MYO7A: variants seen among roughly 807,000 people sequenced by gnomAD.
The protein encoded by MYO7A is unconventional myosin-VIIa.
MYO7A carries 210 observed loss-of-function variants against 263.8 expected under a neutral mutation model. The observed-to-expected ratio is 0.80, with a 90% CI of 0.71 to 0.89. The LOEUF (loss-of-function observed/expected upper bound fraction) is 0.89. MYO7A is among the 40% of genes least tolerant of loss of function. MYO7A has a pLI of 0.00. For missense variants in MYO7A, 2,820 were observed against 2,968.3 expected (o/e 0.95, Z 1.16); for synonymous variants, 1,239 against 1,197.3 (o/e 1.03, Z -0.72).
At chr11:77,169,704 C>T (rs1953904617) in intron 15 of MYO7A, among the ~76,000 whole-genome samples, 1 of 152,156 alleles carries the variant, frequency 6.6e-6, no homozygotes. Context: ...TGTCATGGGT[C>T]TTGGGGACGT....
intron 12 of MYO7A, among the ~76,000 whole-genome samples, chr11:77,161,790 C>T (rs1332645378): frequency 2.6e-5 from 4 of 152,236 alleles, no homozygotes; most frequent in Non-Finnish European, 5.9e-5. Context: ...TCTTTCTCTC[C>T]CAGGCATCTG....
At position 77,142,801 on chromosome 11, in the gene MYO7A, G is replaced by A. The variant is rs1461064082; in HGVS notation, c.111G>A (p.Gln37=). ...AGCTCTGCGACTCTGGGCAGGTCCA[G>A]GTGGTGGATGATGAAGACAATGTGA... ...VVKLCDSGQV[Q]VVDDEDNEHW... is the part of the protein sequence containing the mutation. Residue 37 remains glutamine (Q), a synonymous_variant, in exon 3 of 49, where the codon CAG becomes CAA. Coordinates refer to ENST00000409709, the MANE Select transcript of MYO7A (RefSeq NM_000260.4). 9 of 1,608,804 alleles carry A rather than the reference G, an allele frequency of 5.6e-6. No individual in the cohort carries two copies. The African/African-American group carries it at 9.4e-5, about 17-fold the overall frequency.
intron 12 of MYO7A, 130 bp from the exon 13 acceptor site, chr11:77,161,990 G>C: frequency 2.4e-6 from 2 of 838,928 alleles, no homozygotes; most frequent in Admixed American, 2.3e-5. Context: ...AATTCCCCTC[G>C]CCTCTGAGTT....
chr11:77,206,286 C>T (rs1357977563), intron 41 of MYO7A, 84 bp downstream of exon 41: 12 of 1,028,838 alleles, frequency 1.2e-5, no homozygotes, highest in Non-Finnish European at 1.7e-5. Flanking sequence ...CCTTAAGCCT[C>T]TCCCCCATCA....
chr11:77,175,552 G>T, intron 18 of MYO7A, 88 bp downstream of exon 18: 1 of 1,245,364 alleles, frequency 8.0e-7, no homozygotes. Context: ...GGGAGGCAGT[G>T]CTGGGGCTTT....
At chr11:77,180,564 G>C in intron 22 of MYO7A, 83 bp downstream of exon 22, 1 of 1,204,410 alleles carries the variant, frequency 8.3e-7, no homozygotes, top group Non-Finnish European at 1.2e-6. Context: ...TCTGTCACCC[G>C]GTGCTGCAGC....
In MYO7A at chr11:77,184,891, C is replaced by T; in HGVS notation, c.3503+176C>T. 4.5e-6 allele frequency: 5 copies of T among 1,121,716 alleles called. No homozygotes were observed. The South Asian group carries it at 6.6e-5, about 15-fold the overall frequency. The allele number at this position is 1,121,716 out of a possible 1,614,324, so 69.5% of individuals were successfully genotyped here. On this transcript the variant is annotated intron_variant, in intron 27 of 48. Coordinates refer to ENST00000409709, the MANE Select transcript of MYO7A (RefSeq NM_000260.4). ...TTTCATCTTTCTAAGCCTCTGATTC[C>T]TTGTCTGTAAAGGGGGAATCCTAAA...
intron 44 of MYO7A, 42 bp from the exon 45 acceptor site, chr11:77,211,110 G>A (rs774701575): frequency 1.1e-5 from 16 of 1,493,782 alleles, no homozygotes; most frequent in Non-Finnish European, 1.3e-5. Context: ...GCCCACTTCT[G>A]CCAGGTCCCT....
Position 77,184,732 on chromosome 11 carries a change from G to A in MYO7A, c.3503+17G>A, listed in dbSNP as rs369969967. The A allele has an allele frequency of 3.7e-4, 175 of 474,520 alleles. No individual in the cohort carries two copies. The highest frequency in any genetic ancestry group is 7.6e-4 in the Middle Eastern group (2 of 2,646). The allele number at this position is 474,520 out of a possible 1,614,324, so 29.4% of individuals were successfully genotyped here. A position where few individuals can be genotyped will look rare whatever the true frequency, so the allele number is the denominator to read the frequency against. On this transcript the variant is annotated intron_variant, in intron 27 of 48. Transcript: ENST00000409709. ...AGCACTCCGGTCAGTGCCGGGAGGC[G>A]GGGACACCAGGGCCTGAAAGTCTTT...
chr11:77,168,669 C>T (rs1482554432), intron 15 of MYO7A, among the ~76,000 whole-genome samples: 5 of 152,150 alleles, frequency 3.3e-5, no homozygotes, highest in Non-Finnish European at 5.9e-5. Context: ...GGGGTGAGCA[C>T]TTGTAGTCAC....
intron 3 of MYO7A, among the ~76,000 whole-genome samples, chr11:77,145,009 GC>G (rs1171863548): frequency 1.3e-5 from 2 of 152,118 alleles, no homozygotes; most frequent in African/African-American, 4.8e-5. Flanking sequence ...TTACACTTTG[GC>G]CCCCGGTAGG....
chr11:77,139,758 T>C (rs1341300974), intron 2 of MYO7A, among the ~76,000 whole-genome samples: 1 of 152,174 alleles, frequency 6.6e-6, no homozygotes, highest in African/African-American at 2.4e-5. Context: ...GTCCTCCAGA[T>C]GCTAATAGTC....
chr11:77,202,425 G>T lies in MYO7A; in HGVS notation c.5168+1G>T. On this transcript the variant is annotated splice_donor_variant, in intron 37 of 48. Transcript: ENST00000409709. LOFTEE classifies it high-confidence loss of function. ...AGGAGTTTTCCTATGACTACTTCAGGTGATGCCTCCTGGGGAAGGATGGGA... is the reference window on the plus strand; with the variant it reads ...AGGAGTTTTCCTATGACTACTTCAGTTGATGCCTCCTGGGGAAGGATGGGA... The T allele has an allele frequency of 6.4e-7, 1 of 1,550,940 alleles. No homozygotes were observed. Among genetic ancestry groups the T allele is most frequent in the Non-Finnish European group, 8.7e-7 (1 of 1,146,744 alleles).
At chr11:77,188,686 T>C (rs2155179) in intron 27 of MYO7A, among the ~76,000 whole-genome samples, 94,090 of 152,114 alleles carry the variant, frequency 0.62, 30,414 homozygotes, top group African/African-American at 0.81. Context: ...GTGCTAGGTG[T>C]GTCATAAGCC....
intron 39 of MYO7A, 63 bp downstream of exon 39, chr11:77,204,292 C>T (rs1208352532): frequency 2.0e-5 from 31 of 1,536,412 alleles, no homozygotes; most frequent in African/African-American, 6.9e-5. Flanking sequence ...GCAGCTCTTA[C>T]CCTCCTGAGG....
chr11:77,214,087 C>A, intron 48 of MYO7A, 108 bp downstream of exon 48: 2 of 1,489,616 alleles, frequency 1.3e-6, no homozygotes, highest in South Asian at 2.5e-5. Context: ...GGCCTGGGGT[C>A]GTGGGCAAGG....
Position 77,158,358 on chromosome 11 carries a change from A to G in MYO7A, c.931A>G (p.Thr311Ala). 6.2e-7 allele frequency: 1 copy of G among 1,613,404 alleles called. No homozygotes were observed. The highest frequency in any genetic ancestry group is 1.1e-5 in the South Asian group (1 of 91,068). Reference protein sequence around the residue: ...IRSAMKVLMFTDTENWEISKL... With the variant: ...IRSAMKVLMFADTENWEISKL... ...CTCCGCCATGAAGGTGCTCATGTTC[A>G]CTGACACCGAGAACTGGGAGATCTC... The change falls in exon 9 of 49, where the codon ACT (threonine) becomes GCT (alanine). Residue 311 changes from threonine (T) to alanine (A), a missense_variant. By Grantham distance (58) the Thr-to-Ala change is moderately conservative (BLOSUM62 0). Coordinates refer to ENST00000409709, the MANE Select transcript of MYO7A (RefSeq NM_000260.4).
At position 77,182,040 on chromosome 11, in the gene MYO7A, G is replaced by A. The variant is rs545219329; in HGVS notation, c.2994G>A (p.Glu998=). ...LPDEDEEDLS[E]YKFAKFAATY... ...ACGAGGATGAGGAGGACCTCTCTGA[G>A]TATAAATTTGCCAAGTTCGCGGCCA... is the stretch of plus-strand genomic sequence containing the variant. The change falls in exon 24 of 49, where the codon GAG becomes GAA. Residue 998 remains glutamate, a synonymous_variant. Coordinates refer to ENST00000409709, the MANE Select transcript of MYO7A (RefSeq NM_000260.4). The A allele has an allele frequency of 2.5e-6, 4 of 1,613,520 alleles. No homozygotes were observed. Among genetic ancestry groups the A allele is most frequent in the African/African-American group, 1.3e-5 (1 of 74,990 alleles).
rs1307826366 is a variant in MYO7A at position 77,212,978 on chromosome 11, G to C, written c.6381G>C (p.Glu2127Asp). Residue 2127 changes from glutamate (E) to aspartate (D), a missense_variant, in exon 47 of 49, where the codon GAG becomes GAC. Physicochemically the swap from Glu to Asp is conservative, Grantham distance 45. Coordinates refer to ENST00000409709, the MANE Select transcript of MYO7A (RefSeq NM_000260.4). ...VKQTTEPNFP[E>D]ILLIAINKYG... ...AAACTACGGAGCCAAACTTCCCTGA[G>C]ATCCTCCTAATTGCCATCAACAAGT... 6.3e-7 allele frequency: 1 copy of C among 1,596,440 alleles called. No individual in the cohort carries two copies. The highest frequency in any genetic ancestry group is 2.3e-5 in the East Asian group (1 of 44,402).
Sources: allele counts gnomAD v4.1 joint callset (sites outside exome capture counted in the v4.1 genomes callset), GRCh38; gene constraint gnomAD v4.1.1; transcripts MANE v1.5; gene names NCBI Gene and HGNC (gene_info 2026-07-23, HGNC 2026-07-21).